The following BEND6 variants were observed in gnomAD, a reference collection of about 807,000 sequenced individuals.
The protein encoded by BEND6 is BEN domain-containing protein 6.
In BEND6, 24 loss-of-function variants were observed where a neutral mutation model predicts 31.8. The ratio of observed to expected loss-of-function variants is 0.75; its 90% CI spans 0.55 to 1.06. BEND6 has a LOEUF of 1.06. BEND6 is among the 50% of genes least tolerant of loss of function. BEND6 has a pLI of 0.00. For missense variants in BEND6, 294 were observed against 327.4 expected (o/e 0.90, Z 0.79); for synonymous variants, 109 against 114.6 (o/e 0.95, Z 0.31).
intron 6 of BEND6, among the ~76,000 whole-genome samples, chr6:57,022,462 C>T (rs952172281): frequency 1.3e-5 from 2 of 150,792 alleles, no homozygotes; most frequent in East Asian, 2.0e-4. Context: ...TGTGTGGTCT[C>T]GGTTATTATG....
At chr6:57,014,928 T>C (rs925989738) in intron 3 of BEND6, among the ~76,000 whole-genome samples, 4 of 152,222 alleles carry the variant, frequency 2.6e-5, no homozygotes, top group Admixed American at 6.5e-5. Flanking sequence ...TTAATTGCTT[T>C]ATTATTATTA....
chr6:56,977,040 A>G (rs1298110410), intron 1 of BEND6, among the ~76,000 whole-genome samples: 1 of 152,246 alleles, frequency 6.6e-6, no homozygotes, highest in Non-Finnish European at 1.5e-5. Context: ...ATTTCTTCAC[A>G]CAAATTAAAA....
intron 3 of BEND6, among the ~76,000 whole-genome samples, chr6:57,003,540 C>A (rs1046717590): frequency 6.6e-6 from 1 of 151,662 alleles, no homozygotes; most frequent in African/African-American, 2.4e-5. Flanking sequence ...ACAACAACAA[C>A]AAAAACTACC....
chr6:56,955,945 C>T (rs1196813681), intron 1 of BEND6, among the ~76,000 whole-genome samples: 3 of 152,224 alleles, frequency 2.0e-5, no homozygotes, highest in Non-Finnish European at 2.9e-5. Flanking sequence ...GGATTTAACA[C>T]TGATGCAATG....
At chr6:56,994,421 G>A (rs892599663) in intron 3 of BEND6, among the ~76,000 whole-genome samples, 1 of 115,214 alleles carries the variant, frequency 8.7e-6, no homozygotes, top group East Asian at 3.0e-4. Context: ...TCGTGCCCCT[G>A]CACTCCAGCC....
chr6:57,017,463 G>T, intron 5 of BEND6, 64 bp downstream of exon 5: 1 of 1,197,218 alleles, frequency 8.4e-7, no homozygotes, highest in Non-Finnish European at 1.1e-6. Context: ...TCAAGGTCAA[G>T]ATAGTCTTTC....
At chr6:57,009,042 C>T (rs1432520793) in intron 3 of BEND6, 14 of 152,122 alleles carry the variant, frequency 9.2e-5, no homozygotes, top group Admixed American at 9.2e-4. Context: ...TTAAACACTG[C>T]ATGTTCTCAT....
intron 1 of BEND6, among the ~76,000 whole-genome samples, chr6:56,971,540 G>T (rs1825688952): frequency 6.6e-6 from 1 of 152,094 alleles, no homozygotes; most frequent in South Asian, 2.1e-4. Context: ...TTTCTAGAAG[G>T]TTCCGTGCTG....
In BEND6 at chr6:56,991,891, A is replaced by G. The variant is rs892404795; in HGVS notation, c.121-487A>G. ...AATAAATAGTAACCTTTTGAACACT[A>G]TGTTATGAATTGTTTGTAGCTGGCA... On this transcript the variant is annotated intron_variant, in intron 2 of 6. Transcript: ENST00000370746. Among the ~76,000 whole-genome samples the G allele has an allele frequency of 9.7e-4, 148 of 152,070 alleles. 9 individuals carry two copies. Among genetic ancestry groups the G allele is most frequent in the Non-Finnish European group, 2.9e-5 (2 of 68,002 alleles).
At chr6:56,971,378 A>T (rs1400064826) in intron 1 of BEND6, among the ~76,000 whole-genome samples, 1 of 152,172 alleles carries the variant, frequency 6.6e-6, no homozygotes, top group African/African-American at 2.4e-5. Flanking sequence ...TCATCTTTCG[A>T]TGGACATGGG....
At chr6:56,970,507 T>A (rs1274774794) in intron 1 of BEND6, among the ~76,000 whole-genome samples, 1 of 152,198 alleles carries the variant, frequency 6.6e-6, no homozygotes, top group Non-Finnish European at 1.5e-5. Context: ...ATCATGGCTG[T>A]GTTCATGTTT....
At chr6:56,994,457 CAAAAAAAAAAAAAAA>C (rs67871242) in intron 3 of BEND6, among the ~76,000 whole-genome samples, 1 of 54,858 alleles carries the variant, frequency 1.8e-5, no homozygotes, top group Non-Finnish European at 2.9e-5. Context: ...GACTCCATCT[CAAAAAAAAAAAAAAA>C]AAAAAAAAAA....
At chr6:56,996,236 C>A (rs537892116) in intron 3 of BEND6, among the ~76,000 whole-genome samples, 53 of 152,170 alleles carry the variant, frequency 3.5e-4, no homozygotes, top group African/African-American at 1.2e-3. Flanking sequence ...CACTTGAGAC[C>A]AGGAGTTTGA....
chr6:57,022,313 T>G (rs895764358), intron 6 of BEND6, among the ~76,000 whole-genome samples: 1 of 152,016 alleles, frequency 6.6e-6, no homozygotes, highest in Admixed American at 6.5e-5. Flanking sequence ...TACTCCCTAT[T>G]GATTTGTTGA....
chr6:56,956,302 G>A (rs1824952635), intron 1 of BEND6, among the ~76,000 whole-genome samples: 1 of 152,204 alleles, frequency 6.6e-6, no homozygotes, highest in Admixed American at 6.5e-5. Flanking sequence ...TTGAAAAGCA[G>A]GTAAATAATT....
chr6:56,973,561 G>A (rs1270413030), intron 1 of BEND6, among the ~76,000 whole-genome samples: 1 of 152,078 alleles, frequency 6.6e-6, no homozygotes, highest in Non-Finnish European at 1.5e-5. Context: ...TAAAAGTAAG[G>A]TGAATGTGGT....
intron 3 of BEND6, among the ~76,000 whole-genome samples, chr6:56,996,217 C>T (rs115703538): frequency 3.3e-5 from 5 of 152,212 alleles, no homozygotes; most frequent in Non-Finnish European, 5.9e-5. Flanking sequence ...GAGGCCAAAG[C>T]GGGTGGATCA....
At chr6:57,024,641 G>T (rs1265892593) in intron 6 of BEND6, among the ~76,000 whole-genome samples, 1 of 152,034 alleles carries the variant, frequency 6.6e-6, no homozygotes, top group African/African-American at 2.4e-5. Flanking sequence ...TTAGAATCCT[G>T]CTTTGTCCCT....
intron 5 of BEND6, 42 bp downstream of exon 5, chr6:57,017,441 T>A: frequency 1.6e-6 from 2 of 1,271,810 alleles, no homozygotes; most frequent in Non-Finnish European, 2.0e-6. Context: ...GAATTTTAAA[T>A]CATGTTACCA....
Sources: allele counts gnomAD v4.1 joint callset (sites outside exome capture counted in the v4.1 genomes callset), GRCh38; gene constraint gnomAD v4.1.1; transcripts MANE v1.5; gene names NCBI Gene and HGNC (gene_info 2026-07-23, HGNC 2026-07-21).